CALN1: variants seen among roughly 807,000 people sequenced by gnomAD.
The protein encoded by CALN1 is calneuron 1, also known as calcium-binding protein 8.
In CALN1, 17 loss-of-function variants were observed where a neutral mutation model predicts 30.6. That is an observed-to-expected ratio of 0.56 (90% CI 0.38 to 0.83). CALN1 has a LOEUF of 0.83. CALN1 is among the 40% of genes least tolerant of loss of function. The pLI, the probability that CALN1 is intolerant of heterozygous loss-of-function variation, is 0.00. For missense variants in CALN1, 291 were observed against 354.9 expected (o/e 0.82, Z 1.45); for synonymous variants, 156 against 131.4 (o/e 1.19, Z -1.28).
At chr7:72,048,126 G>A (rs1232487024) in intron 4 of CALN1, among the ~76,000 whole-genome samples, 4 of 145,720 alleles carry the variant, frequency 2.7e-5, no homozygotes, top group African/African-American at 5.1e-5. Flanking sequence ...TGCAACCTCC[G>A]CCTCCCAGGT....
the CALN1 span, among the ~76,000 whole-genome samples, chr7:72,494,441 C>T: frequency 3.9e-5 from 6 of 152,302 alleles, no homozygotes; most frequent in South Asian, 1.0e-3. Flanking sequence ...CTGGTAGTAA[C>T]GCAAAGATAG....
chr7:72,062,386 C>T (rs759588852), intron 4 of CALN1, among the ~76,000 whole-genome samples: 36 of 151,674 alleles, frequency 2.4e-4, no homozygotes, highest in Non-Finnish European at 2.8e-4. Context: ...GTGGTGTATG[C>T]CTGTAGTCCC....
intron 5 of CALN1, among the ~76,000 whole-genome samples, chr7:71,938,399 G>T (rs1325806418): frequency 6.6e-6 from 1 of 152,164 alleles, no homozygotes; most frequent in Non-Finnish European, 1.5e-5. Flanking sequence ...TCAGGGAAAG[G>T]TCAGTTAATG....
chr7:72,188,476 T>C (rs1484947362), intron 3 of CALN1, among the ~76,000 whole-genome samples: 1 of 151,916 alleles, frequency 6.6e-6, no homozygotes, highest in Non-Finnish European at 1.5e-5. Context: ...TCGTATGTTC[T>C]CACTCATAAG....
chr7:71,946,427 G>C (rs1256794069), intron 5 of CALN1, among the ~76,000 whole-genome samples: 5 of 148,910 alleles, frequency 3.4e-5, no homozygotes, highest in African/African-American at 9.9e-5. Flanking sequence ...GAGTGCAGTG[G>C]TGCAATCATA....
At chr7:72,464,979 C>G in the CALN1 span, among the ~76,000 whole-genome samples, 1 of 152,182 alleles carries the variant, frequency 6.6e-6, no homozygotes, top group Non-Finnish European at 1.5e-5. Context: ...ATGTCTCCAA[C>G]TGTACTCAGG....
chr7:72,055,978 C>A (rs1803232811), intron 4 of CALN1, among the ~76,000 whole-genome samples: 1 of 152,146 alleles, frequency 6.6e-6, no homozygotes, highest in South Asian at 2.1e-4. Context: ...TATGATCGCA[C>A]CACTGTAATC....
At chr7:72,268,793 C>CCACACACACAAA (rs56386718) in intron 3 of CALN1, among the ~76,000 whole-genome samples, 10,266 of 145,866 alleles carry the variant, frequency 0.07, 374 homozygotes, top group African/African-American at 0.089. Flanking sequence ...CAAGACCCTG[C>CCACACACACAAA]CACACACACA....
chr7:72,428,959 G>A (rs1052678564), intron 1 of CALN1, among the ~76,000 whole-genome samples: 2 of 152,212 alleles, frequency 1.3e-5, no homozygotes, highest in African/African-American at 4.8e-5. Context: ...ACACAGGGCA[G>A]ACCTCCAAGC....
intron 1 of CALN1, among the ~76,000 whole-genome samples, chr7:72,435,023 G>T (rs1280894558): frequency 1.3e-5 from 2 of 152,190 alleles, no homozygotes; most frequent in African/African-American, 4.8e-5. Flanking sequence ...GGCTAGGGTT[G>T]TGAGACCAGC....
intron 4 of CALN1, among the ~76,000 whole-genome samples, chr7:72,092,695 A>G (rs944299395): frequency 1.7e-4 from 25 of 151,212 alleles, no homozygotes; most frequent in African/African-American, 6.1e-4. Flanking sequence ...TTGTTCACCA[A>G]GTATTTCTAC....
At chr7:72,201,462 G>A (rs11974341) in intron 3 of CALN1, among the ~76,000 whole-genome samples, 5,738 of 151,906 alleles carry the variant, frequency 0.038, 340 homozygotes, top group African/African-American at 0.13. Context: ...ATGGTGGTGC[G>A]CACCTATAAT....
At chr7:72,332,982 TC>T (rs1421142268) in intron 2 of CALN1, among the ~76,000 whole-genome samples, 1 of 152,148 alleles carries the variant, frequency 6.6e-6, no homozygotes, top group African/African-American at 2.4e-5. Flanking sequence ...AGTCCCTGGG[TC>T]CTGACTAAAG....
At chr7:71,875,529 T>C (rs1018183585) in intron 5 of CALN1, among the ~76,000 whole-genome samples, 5 of 152,262 alleles carry the variant, frequency 3.3e-5, no homozygotes, top group African/African-American at 9.6e-5. Flanking sequence ...TCATGGGGCA[T>C]AGTCATCAAT....
At chr7:71,822,388 A>G (rs1452713723) in intron 5 of CALN1, among the ~76,000 whole-genome samples, 1 of 152,128 alleles carries the variant, frequency 6.6e-6, no homozygotes, top group Non-Finnish European at 1.5e-5. Context: ...AGCTGGGATT[A>G]CAGGCGTGTG....
intron 4 of CALN1, among the ~76,000 whole-genome samples, chr7:72,054,721 G>A (rs1438881925): frequency 1.3e-5 from 2 of 151,784 alleles, no homozygotes; most frequent in Non-Finnish European, 2.9e-5. Context: ...GAGAACACAT[G>A]GATGCGAAGA....
chr7:72,050,116 G>C (rs1563011040), intron 4 of CALN1, among the ~76,000 whole-genome samples: 1 of 152,108 alleles, frequency 6.6e-6, no homozygotes, highest in Non-Finnish European at 1.5e-5. Context: ...CCCTCGCCCG[G>C]CCGAAGGTAG....
intron 5 of CALN1, among the ~76,000 whole-genome samples, chr7:71,814,990 C>A (rs957307279): frequency 1.3e-5 from 2 of 151,990 alleles, no homozygotes; most frequent in African/African-American, 4.8e-5. Flanking sequence ...CCCGCCACCA[C>A]GCCCAGCTGA....
Position 72,205,551 on chromosome 7 carries a change from A to AAAATATATACATATATATATATATATAT in CALN1, c.244+73134_244+73135insATATATATATATATATATGTATATATTT. The stretch of plus-strand genomic sequence containing the variant: ...ATTTTTCTCCTGATTGCAAAAAAAA[A>AAAATATATACATATATATATATATATAT]ATATATATATATATATGTATATATA... On this transcript the variant is annotated intron_variant, in intron 3 of 6. Transcript: ENST00000395275. Among the ~76,000 whole-genome samples, 69 of 83,030 alleles carry AAAATATATACATATATATATATATATAT rather than the reference A, an allele frequency of 8.3e-4. 2 individuals carry two copies. The highest frequency in any genetic ancestry group is 4.5e-3 in the African/African-American group (60 of 13,434). The allele number at this position is 83,030 out of a possible 152,430, so 54.5% of individuals were successfully genotyped here.
Sources: gnomAD v4.1 joint callset for allele counts (sites outside exome capture counted in the v4.1 genomes callset) on GRCh38, gnomAD v4.1.1 for gene constraint, MANE v1.5 for transcripts, NCBI Gene and HGNC (gene_info 2026-07-23, HGNC 2026-07-21) for gene names.